The following HS3ST4 variants were observed in gnomAD, a reference collection of about 807,000 sequenced individuals.
HS3ST4 encodes the protein heparan sulfate-glucosamine 3-sulfotransferase 4, also known as heparan sulfate glucosamine 3-O-sulfotransferase 4.
In HS3ST4, 17 loss-of-function variants were observed where a neutral mutation model predicts 29.2. The observed-to-expected ratio is 0.58, with a 90% CI of 0.40 to 0.87. The LOEUF (loss-of-function observed/expected upper bound fraction) is 0.87, where lower values mean the gene tolerates loss of function less well. Among genes scored for constraint, HS3ST4 ranks in the 40% least tolerant of loss-of-function variants. The probability of loss-of-function intolerance (pLI) is 0.00; values close to 1 mark genes in which losing one functional copy is unlikely to be tolerated. For synonymous variants in HS3ST4, 314 were observed against 285.7 expected (o/e 1.10, Z -1.00); for missense variants, 627 against 634.5 (o/e 0.99, Z 0.13).
intron 1 of HS3ST4, among the ~76,000 whole-genome samples, chr16:25,988,872 A>T (rs1373035554): frequency 6.6e-6 from 1 of 152,214 alleles, no homozygotes; most frequent in East Asian, 1.9e-4. Flanking sequence ...AAAGTAAAAA[A>T]AAAACAAAAC....
chr16:25,706,504 G>T (rs1026517012), intron 1 of HS3ST4, among the ~76,000 whole-genome samples: 3 of 152,080 alleles, frequency 2.0e-5, no homozygotes, highest in African/African-American at 7.2e-5. Context: ...CATGCATTAG[G>T]TATTTGTCCT....
chr16:26,018,042 C>A (rs758213112), intron 1 of HS3ST4, among the ~76,000 whole-genome samples: 6 of 152,104 alleles, frequency 3.9e-5, no homozygotes, highest in African/African-American at 7.2e-5. Flanking sequence ...CAAGATGGCC[C>A]GTCGCACATG....
intron 1 of HS3ST4, among the ~76,000 whole-genome samples, chr16:25,859,735 A>G (rs1157239422): frequency 3.3e-5 from 5 of 152,362 alleles, no homozygotes; most frequent in Non-Finnish European, 7.3e-5. Context: ...GAAAATATAC[A>G]GATGGCCAAT....
At chr16:25,746,674 C>T (rs767838735) in intron 1 of HS3ST4, among the ~76,000 whole-genome samples, 2 of 151,914 alleles carry the variant, frequency 1.3e-5, no homozygotes, top group Admixed American at 6.6e-5. Flanking sequence ...GCCTCAGCCT[C>T]CTGAGTAGCT....
At chr16:25,778,481 G>A (rs942599724) in intron 1 of HS3ST4, among the ~76,000 whole-genome samples, 2 of 152,178 alleles carry the variant, frequency 1.3e-5, no homozygotes, top group African/African-American at 4.8e-5. Flanking sequence ...ATTGACTACT[G>A]TCATGGCTAA....
intron 1 of HS3ST4, among the ~76,000 whole-genome samples, chr16:25,848,932 C>T (rs190362942): frequency 6.6e-6 from 1 of 152,188 alleles, no homozygotes; most frequent in African/African-American, 2.4e-5. Context: ...CATCCAAGTA[C>T]TGCTACATTC....
intron 1 of HS3ST4, among the ~76,000 whole-genome samples, chr16:25,777,030 A>T (rs934408656): frequency 2.6e-5 from 4 of 152,048 alleles, no homozygotes; most frequent in African/African-American, 9.7e-5. Context: ...CATGGTTATT[A>T]TTTATCCAGT....
At chr16:25,824,670 G>A (rs1265616671) in intron 1 of HS3ST4, 1 of 152,170 alleles carries the variant, frequency 6.6e-6, no homozygotes, top group African/African-American at 2.4e-5. Context: ...TGAGATTTGG[G>A]TGGGGACACA....
At chr16:25,831,123 C>T (rs1327886444) in intron 1 of HS3ST4, among the ~76,000 whole-genome samples, 1 of 152,146 alleles carries the variant, frequency 6.6e-6, no homozygotes, top group Non-Finnish European at 1.5e-5. Flanking sequence ...GGCTGTGTCT[C>T]CTCATTTAAG....
Position 26,062,512 on chromosome 16 carries a change from C to T in HS3ST4, c.735-73100C>T, listed in dbSNP as rs147077932. Among the ~76,000 whole-genome samples, 656 of 152,236 alleles carry T rather than the reference C, an allele frequency of 4.3e-3. 7 individuals are homozygous for T. The highest frequency in any genetic ancestry group is 0.015 in the African/African-American group (635 of 41,540). ...TCCATTTTTGATCCCAGGGATGAGACAGTTGTACCTGAACCTTGGCCCGAT... is the reference window on the plus strand; with the variant it reads ...TCCATTTTTGATCCCAGGGATGAGATAGTTGTACCTGAACCTTGGCCCGAT... On this transcript the variant is annotated intron_variant, in intron 1 of 1. Transcript: ENST00000331351.
chr16:25,761,227 A>G (rs1966786803), intron 1 of HS3ST4, among the ~76,000 whole-genome samples: 1 of 152,128 alleles, frequency 6.6e-6, no homozygotes, highest in Non-Finnish European at 1.5e-5. Context: ...ACCATGCATC[A>G]TTACACAGCT....
chr16:25,826,630 G>A lies in HS3ST4; in HGVS notation c.734+133479G>A, dbSNP rs138188810. ...AGGGAAATGAACATGTGAGGAGTGG[G>A]GTGGGGCTAGGGCACTATAAAAAAA... On this transcript the variant is annotated intron_variant, in intron 1 of 1. Transcript: ENST00000331351. Among the ~76,000 whole-genome samples, 47 of 152,236 alleles carry A rather than the reference G, an allele frequency of 3.1e-4. No individual in the cohort carries two copies. In the East Asian group the frequency reaches 8.5e-3, roughly 28 times the overall value.
chr16:25,857,948 C>CTTTCTTTCTTTCTTTCTTTCT (rs1567257164), intron 1 of HS3ST4, among the ~76,000 whole-genome samples: 56 of 57,098 alleles, frequency 9.8e-4, no homozygotes, highest in African/African-American at 4.0e-3. Context: ...TTCTTTCTTT[C>CTTTCTTTCTTTCTTTCTTTCT]TTTCTTTCTT....
At chr16:25,814,118 G>A (rs367665148) in intron 1 of HS3ST4, among the ~76,000 whole-genome samples, 6 of 152,262 alleles carry the variant, frequency 3.9e-5, no homozygotes, top group South Asian at 4.2e-4. Flanking sequence ...GAATCTCTGC[G>A]GGTGATGGAA....
chr16:25,820,139 C>G (rs1967136191), intron 1 of HS3ST4, among the ~76,000 whole-genome samples: 1 of 146,994 alleles, frequency 6.8e-6, no homozygotes, highest in Admixed American at 6.8e-5. Flanking sequence ...TCCCATTACA[C>G]CAACTCATGA....
intron 1 of HS3ST4, among the ~76,000 whole-genome samples, chr16:25,873,522 CTG>C (rs1967789945): frequency 1.4e-5 from 2 of 145,154 alleles, no homozygotes; most frequent in Admixed American, 6.8e-5. Context: ...ATCTATCTAT[CTG>C]TCTATCTATC....
chr16:26,125,446 A>T (rs1211210436), intron 1 of HS3ST4, among the ~76,000 whole-genome samples: 2 of 152,230 alleles, frequency 1.3e-5, no homozygotes, highest in African/African-American at 4.8e-5. Flanking sequence ...ATCTGACAGG[A>T]GGTGGAGCTC....
chr16:25,767,542 T>C (rs1305504647), intron 1 of HS3ST4, among the ~76,000 whole-genome samples: 1 of 152,190 alleles, frequency 6.6e-6, no homozygotes. Flanking sequence ...TTTTGTGTAA[T>C]ACTTTCATTT....
In HS3ST4 at chr16:25,724,608, C is replaced by A. The variant is rs75085262; in HGVS notation, c.734+31457C>A. On this transcript the variant is annotated intron_variant, in intron 1 of 1. Coordinates refer to ENST00000331351, the MANE Select transcript of HS3ST4 (RefSeq NM_006040.3). ...CGAACTCCTGAACTCGTGATCCCCC[C>A]ACCTCGGCCTCCCAAAGTGCTGGGA... 3.6e-3 allele frequency among the ~76,000 whole-genome samples: 544 copies of A among 152,192 alleles called. 4 individuals carry two copies. Among genetic ancestry groups the A allele is most frequent in the African/African-American group, 0.012 (508 of 41,534 alleles).
Sources: gnomAD v4.1 joint callset for allele counts (sites outside exome capture counted in the v4.1 genomes callset) on GRCh38, gnomAD v4.1.1 for gene constraint, MANE v1.5 for transcripts, NCBI Gene and HGNC (gene_info 2026-07-23, HGNC 2026-07-21) for gene names.